Variants in LURAP1L observed in about 807,000 individuals in gnomAD.
LURAP1L encodes the protein leucine rich adaptor protein 1 like, also known as leucine rich adaptor protein 1-like.
Under a neutral mutation model 13.8 loss-of-function variants are expected in LURAP1L, and 12 were observed. That is an observed-to-expected ratio of 0.87 (90% CI 0.56 to 1.41). LURAP1L has a LOEUF of 1.41. Among genes scored for constraint, LURAP1L ranks in the 40% most tolerant of loss-of-function variants. The probability of loss-of-function intolerance (pLI) is 0.00; values close to 1 mark genes in which losing one functional copy is unlikely to be tolerated. For missense variants in LURAP1L, 375 were observed against 292.9 expected, an observed-to-expected ratio of 1.28 and a Z score of -2.04; for synonymous variants, 139 against 119.2, an observed-to-expected ratio of 1.17 and a Z score of -1.08.
chr9:12,819,373 T>A (rs553900232), intron 1 of LURAP1L, among the ~76,000 whole-genome samples: 1 of 152,364 alleles, frequency 6.6e-6, no homozygotes, highest in South Asian at 2.1e-4. Flanking sequence ...CAGTTATTAA[T>A]GGAAATTCCA....
chr9:12,781,643 CT>C (rs1211536289), intron 1 of LURAP1L, among the ~76,000 whole-genome samples: 1 of 152,130 alleles, frequency 6.6e-6, no homozygotes, highest in Admixed American at 6.5e-5. Context: ...ACAACATTTT[CT>C]TTATCCGTTT....
chr9:12,795,705 G>C (rs367690862), intron 1 of LURAP1L, among the ~76,000 whole-genome samples: 2 of 152,026 alleles, frequency 1.3e-5, no homozygotes, highest in African/African-American at 4.8e-5. Flanking sequence ...GTTATGTTAG[G>C]GAAGTGATAC....
rs1056829520 is a variant in LURAP1L, at chr9:12,815,623, A to T, written c.313-5763A>T. On this transcript the variant is annotated intron_variant, in intron 1 of 1. Transcript: ENST00000319264. ...GAATATTGTGGATTTTACCATACAA[A>T]TGTATAACTAGGAGGTGGCCTGCTT... 9.2e-5 allele frequency among the ~76,000 whole-genome samples: 14 copies of T among 152,174 alleles called. 1 individual carries two copies. Among genetic ancestry groups the T allele is most frequent in the Non-Finnish European group, 1.6e-4 (11 of 68,018 alleles).
intron 1 of LURAP1L, among the ~76,000 whole-genome samples, chr9:12,788,501 A>G (rs1795736943): frequency 6.6e-6 from 1 of 152,190 alleles, no homozygotes; most frequent in Admixed American, 6.5e-5. Context: ...AAATCGGTAC[A>G]AAAATGTAGT....
At chr9:12,787,115 G>A (rs1291933259) in intron 1 of LURAP1L, among the ~76,000 whole-genome samples, 1 of 152,066 alleles carries the variant, frequency 6.6e-6, no homozygotes, top group African/African-American at 2.4e-5. Flanking sequence ...AGTATTTAAA[G>A]TAGAGGATAA....
intron 1 of LURAP1L, among the ~76,000 whole-genome samples, chr9:12,784,673 C>T (rs1276887575): frequency 2.6e-5 from 4 of 152,128 alleles, no homozygotes; most frequent in African/African-American, 7.2e-5. Flanking sequence ...TCACCCGAGG[C>T]CTGTGGCAAC....
At chr9:12,796,605 A>G (rs1481888097) in intron 1 of LURAP1L, among the ~76,000 whole-genome samples, 2 of 152,028 alleles carry the variant, frequency 1.3e-5, no homozygotes, top group East Asian at 3.9e-4. Flanking sequence ...ATAATTTATA[A>G]GCTGGAGGAA....
intron 1 of LURAP1L, among the ~76,000 whole-genome samples, chr9:12,792,859 A>G (rs1455190496): frequency 6.6e-6 from 1 of 152,048 alleles, no homozygotes; most frequent in Non-Finnish European, 1.5e-5. Context: ...TTCTTTTTAA[A>G]TTTGATTTTG....
chr9:12,818,900 G>C (rs1168492366), intron 1 of LURAP1L, among the ~76,000 whole-genome samples: 2 of 152,186 alleles, frequency 1.3e-5, no homozygotes, highest in African/African-American at 4.8e-5. Flanking sequence ...ACAGATGCCT[G>C]CTGAATGATT....
At chr9:12,810,285 C>A (rs950522593) in intron 1 of LURAP1L, among the ~76,000 whole-genome samples, 1 of 152,166 alleles carries the variant, frequency 6.6e-6, no homozygotes, top group African/African-American at 2.4e-5. Context: ...AACCTTCCAG[C>A]AATTCACCAA....
intron 1 of LURAP1L, among the ~76,000 whole-genome samples, chr9:12,791,289 C>A (rs1394836529): frequency 2.0e-5 from 3 of 152,088 alleles, no homozygotes; most frequent in Non-Finnish European, 4.4e-5. Flanking sequence ...TGAAAAATGG[C>A]TACCACATAT....
chr9:12,817,428 T>TG (rs1166801520), intron 1 of LURAP1L, among the ~76,000 whole-genome samples: 1 of 152,080 alleles, frequency 6.6e-6, no homozygotes, highest in Non-Finnish European at 1.5e-5. Context: ...TCCATGCTCA[T>TG]GGGGGGAAGA....
chr9:12,803,817 A>G (rs982860202), intron 1 of LURAP1L, among the ~76,000 whole-genome samples: 1 of 152,244 alleles, frequency 6.6e-6, no homozygotes, highest in Non-Finnish European at 1.5e-5. Context: ...ACTAGAGATA[A>G]AGCATAAAAA....
chr9:12,788,960 A>G (rs1819402133), intron 1 of LURAP1L, among the ~76,000 whole-genome samples: 2 of 151,348 alleles, frequency 1.3e-5, no homozygotes, highest in South Asian at 4.2e-4. Flanking sequence ...CCAGCTTCTC[A>G]GGAGGCAGGG....
At chr9:12,818,130 T>TAA (rs35502818) in intron 1 of LURAP1L, among the ~76,000 whole-genome samples, 19 of 118,996 alleles carry the variant, frequency 1.6e-4, no homozygotes, top group East Asian at 4.7e-4. Context: ...TTGCTTCCAC[T>TAA]AAAAAAAAAA....
chr9:12,818,425 T>C (rs1819831665), intron 1 of LURAP1L, among the ~76,000 whole-genome samples: 1 of 152,192 alleles, frequency 6.6e-6, no homozygotes, highest in Non-Finnish European at 1.5e-5. Flanking sequence ...CAACCAATTA[T>C]GACTATTTCC....
At chr9:12,816,540 C>T (rs1259146106) in intron 1 of LURAP1L, among the ~76,000 whole-genome samples, 1 of 152,120 alleles carries the variant, frequency 6.6e-6, no homozygotes, top group African/African-American at 2.4e-5. Context: ...GCATTTTTTT[C>T]TTAGATTCCA....
chr9:12,797,628 GT>G (rs1819526840), intron 1 of LURAP1L, among the ~76,000 whole-genome samples: 2 of 151,776 alleles, frequency 1.3e-5, no homozygotes, highest in Non-Finnish European at 2.9e-5. Flanking sequence ...TTGTAACTTT[GT>G]TTTTTTATCT....
At chr9:12,790,303 G>A (rs940502739) in intron 1 of LURAP1L, among the ~76,000 whole-genome samples, 1 of 152,148 alleles carries the variant, frequency 6.6e-6, no homozygotes, top group African/African-American at 2.4e-5. Context: ...GGACAGAGCT[G>A]TGACTAATCA....
Sources: gnomAD v4.1 joint callset for allele counts (sites outside exome capture counted in the v4.1 genomes callset) on GRCh38, gnomAD v4.1.1 for gene constraint, MANE v1.5 for transcripts, NCBI Gene and HGNC (gene_info 2026-07-23, HGNC 2026-07-21) for gene names.